The following WNK2 variants were observed in gnomAD, a reference collection of about 807,000 sequenced individuals.
WNK2 encodes WNK lysine deficient protein kinase 2.
In WNK2, 67 loss-of-function variants were observed where a neutral mutation model predicts 192.1. That is an observed-to-expected ratio of 0.35 (90% CI 0.29 to 0.43). WNK2 has a LOEUF of 0.43. Among genes scored for constraint, WNK2 ranks in the 20% least tolerant of loss-of-function variants. WNK2 has a pLI of 1.00. For synonymous variants in WNK2, 1,439 were observed against 1,393.9 expected (o/e 1.03, Z -0.72); for missense variants, 2,698 against 3,089.7 (o/e 0.87, Z 3.01).
At chr9:93,240,066 T>A in intron 7 of WNK2, 90 bp downstream of exon 7, 1 of 1,365,600 alleles carries the variant, frequency 7.3e-7, no homozygotes, top group Non-Finnish European at 1.0e-6. Context: ...TGAGGGGGCT[T>A]GCTCCGGAGG....
chr9:93,289,975 C>T lies in WNK2; in HGVS notation c.4867-3C>T. 1 of 1,566,030 alleles carries T rather than the reference C, an allele frequency of 6.4e-7. No homozygotes were observed. The highest frequency in any genetic ancestry group is 8.7e-7 in the Non-Finnish European group (1 of 1,154,454). ...TCTTCTCTTTTTGTGTTTCTTTCTCCAGGTGGAGAAGTCAGAACTGGCCCC... is the reference window on the plus strand; with the variant it reads ...TCTTCTCTTTTTGTGTTTCTTTCTCTAGGTGGAGAAGTCAGAACTGGCCCC... On this transcript the variant is annotated splice_region_variant and splice_polypyrimidine_tract_variant and intron_variant, in intron 20 of 29. Transcript: ENST00000427277.
Position 93,320,540 on chromosome 9 carries a change from G to A in WNK2, c.*148G>A. 1 of 872,350 alleles carries A rather than the reference G, an allele frequency of 1.1e-6. No individual in the cohort carries two copies. The allele number at this position is 872,350 out of a possible 1,614,324, so 54.0% of individuals were successfully genotyped here. ...TCACAATTGGAAACACAAATGTAAT[G>A]CAAGAATAAAAAATATTTTGGGGCA... On this transcript the variant is annotated 3_prime_UTR_variant, in exon 30 of 30. Coordinates refer to ENST00000427277, the MANE Select transcript of WNK2 (RefSeq NM_006648.4).
In WNK2 at chr9:93,247,785, C is replaced by T. The variant is rs1397413275; in HGVS notation, c.1785C>T (p.Asp595=). The part of the protein sequence containing the change: ...GPPEPEEPEA[D]QHLLPPTLPT... Reference sequence around the variant, plus strand: ...CAGAGCCCGAGGAGCCGGAGGCCGACCAGCACCTCCTGCCACCTACGTTGC... The same window carrying T: ...CAGAGCCCGAGGAGCCGGAGGCCGATCAGCACCTCCTGCCACCTACGTTGC... Residue 595 remains aspartate (D), a synonymous_variant, in exon 8 of 30, where the codon GAC becomes GAT. Coordinates refer to ENST00000427277, the MANE Select transcript of WNK2 (RefSeq NM_006648.4). The surrounding 1 kb of genome is among the most constrained non-coding windows in gnomAD (Gnocchi z 5.2). 6.5e-7 allele frequency: 1 copy of T among 1,547,642 alleles called. No individual in the cohort carries two copies. The highest frequency in any genetic ancestry group is 1.9e-5 in the Admixed American group (1 of 51,368).
intron 23 of WNK2, among the ~76,000 whole-genome samples, chr9:93,297,047 C>T (rs1263225540): frequency 3.6e-5 from 5 of 139,076 alleles, no homozygotes; most frequent in Admixed American, 7.1e-5. Flanking sequence ...TTTCACCTTC[C>T]TCCCCTCCGC....
Position 93,299,129 on chromosome 9 carries a change from G to A in WNK2, c.5983G>A (p.Gly1995Arg), listed in dbSNP as rs1851141315. 5.0e-6 allele frequency: 8 copies of A among 1,611,998 alleles called. No individual in the cohort carries two copies. The East Asian group carries it at 1.6e-4, about 31-fold the overall frequency. The change falls in exon 25 of 30, where the codon GGG becomes AGG. Residue 1995 changes from glycine (G) to arginine (R), a missense_variant. Physicochemically the swap from Gly to Arg is moderately radical, Grantham distance 125. Around this residue, in one of 7 missense-constraint regions of WNK2, gnomAD observed 1,098 missense variants for 1,101.0 expected, o/e 1.00. Transcript: ENST00000427277. ...TAAGGACCCTGCCCAAGCCAGTGTG[G>A]GGCTCACTGCAGACAGCACGGGCCT... ...PAKDPAQASVGLTADSTGLSG... is the reference protein window; with the variant it reads ...PAKDPAQASVRLTADSTGLSG...
chr9:93,311,613 T>TGTGTGTGTGTGTGTG, intron 28 of WNK2, among the ~76,000 whole-genome samples: 2 of 146,190 alleles, frequency 1.4e-5, no homozygotes, highest in East Asian at 4.0e-4. Flanking sequence ...GTTTTTTTGT[T>TGTGTGTGTGTGTGTG]TGTGTGTGTG....
At chr9:93,236,645 C>T (rs377087237) in intron 5 of WNK2, among the ~76,000 whole-genome samples, 234 of 152,376 alleles carry the variant, frequency 1.5e-3, no homozygotes, top group Non-Finnish European at 2.8e-3. Flanking sequence ...AGGGCTTGCC[C>T]TCTGCTCCCT....
chr9:93,261,885 G>A lies in WNK2; in HGVS notation c.3138G>A (p.Pro1046=), dbSNP rs758413292. 5 of 1,602,514 alleles carry A rather than the reference G, an allele frequency of 3.1e-6. No homozygotes were observed. Among genetic ancestry groups the A allele is most frequent in the South Asian group, 1.1e-5 (1 of 91,046 alleles). Residue 1046 remains proline, a synonymous_variant, in exon 13 of 30, where the codon CCG becomes CCA. Transcript: ENST00000427277. ...AGGTCCCCACCGTGCCTGTGCCACCGGCTGCGGTCCTCTCGCCGCCTCTGC... is the reference window on the plus strand; with the variant it reads ...AGGTCCCCACCGTGCCTGTGCCACCAGCTGCGGTCCTCTCGCCGCCTCTGC... ...AAQVPTVPVP[P]AAVLSPPLPE...
intron 16 of WNK2, among the ~76,000 whole-genome samples, chr9:93,266,336 A>G (rs1845169719): frequency 6.6e-6 from 1 of 152,208 alleles, no homozygotes; most frequent in Non-Finnish European, 1.5e-5. Context: ...TAAAGGTGGA[A>G]CTGCAGAAGT....
intron 28 of WNK2, 98 bp from the exon 29 acceptor site, chr9:93,317,422 C>G: frequency 8.3e-7 from 1 of 1,204,678 alleles, no homozygotes; most frequent in East Asian, 2.4e-5. Flanking sequence ...CTGCTGCCTC[C>G]TGAGGATGGA....
At chr9:93,210,265 G>T (rs897989997) in intron 2 of WNK2, among the ~76,000 whole-genome samples, 10 of 145,004 alleles carry the variant, frequency 6.9e-5, no homozygotes, top group African/African-American at 2.5e-4. Flanking sequence ...GGGAGGTGGG[G>T]CTATTCGTGC....
Position 93,240,980 on chromosome 9 carries a change from C to CG in WNK2, c.1542+1009dup, listed in dbSNP as rs200666036. Among the ~76,000 whole-genome samples the CG allele has an allele frequency of 2.5e-3, 382 of 152,250 alleles. 2 individuals are homozygous for CG. Among genetic ancestry groups the CG allele is most frequent in the African/African-American group, 8.7e-3 (360 of 41,550 alleles). On this transcript the variant is annotated intron_variant, in intron 7 of 29. Transcript: ENST00000427277. ...TCTGTGGGGCACTGCTGCCCTGGGC[C>CG]GGGGGCTGTTAGAAGTTCTTGGACA... is the stretch of plus-strand genomic sequence containing the variant.
intron 2 of WNK2, among the ~76,000 whole-genome samples, chr9:93,197,665 G>A (rs901299547): frequency 6.6e-6 from 1 of 152,140 alleles, no homozygotes; most frequent in African/African-American, 2.4e-5. Context: ...GGGATTTATA[G>A]GTGTACACCA....
intron 2 of WNK2, among the ~76,000 whole-genome samples, chr9:93,199,778 A>G (rs111836908): frequency 4.9e-4 from 74 of 152,130 alleles, no homozygotes; most frequent in African/African-American, 1.7e-3. Flanking sequence ...AAGCACCTGT[A>G]GTCCCAGCTA....
intron 19 of WNK2, among the ~76,000 whole-genome samples, chr9:93,270,498 G>A (rs1337958223): frequency 6.6e-6 from 1 of 152,252 alleles, no homozygotes; most frequent in African/African-American, 2.4e-5. Context: ...TTAGCAGTGG[G>A]AAGATTGGGG....
At chr9:93,319,856 A>C (rs530220278) in intron 29 of WNK2, among the ~76,000 whole-genome samples, 95 of 152,338 alleles carry the variant, frequency 6.2e-4, no homozygotes, top group African/African-American at 2.1e-3. Flanking sequence ...GCCCCCCAGC[A>C]TCCCACTAAA....
chr9:93,234,304 C>T (rs528364310), intron 4 of WNK2, among the ~76,000 whole-genome samples: 7 of 152,312 alleles, frequency 4.6e-5, no homozygotes, highest in South Asian at 2.1e-4. Context: ...GTACATGCTG[C>T]GTGACACTTG....
At chr9:93,220,078 C>T (rs1836557793) in intron 2 of WNK2, among the ~76,000 whole-genome samples, 1 of 152,178 alleles carries the variant, frequency 6.6e-6, no homozygotes, top group Non-Finnish European at 1.5e-5. Context: ...GTGGTTCCCC[C>T]AGGGTGTGAA....
chr9:93,187,206 C>T (rs1178038828), intron 2 of WNK2, among the ~76,000 whole-genome samples: 1 of 152,116 alleles, frequency 6.6e-6, no homozygotes, highest in African/African-American at 2.4e-5. Flanking sequence ...ATCGCAGGCG[C>T]ATGTGACTCT....
Sources: gnomAD v4.1 joint callset for allele counts (sites outside exome capture counted in the v4.1 genomes callset) on GRCh38, gnomAD v4.1.1 for gene constraint, gnomAD v4.1.1 regional missense constraint, Gnocchi (gnomAD v3.1) non-coding constraint, MANE v1.5 for transcripts, NCBI Gene and HGNC (gene_info 2026-07-23, HGNC 2026-07-21) for gene names.